IMPACT: variants seen among roughly 807,000 people sequenced by gnomAD.
IMPACT encodes protein IMPACT.
Under a neutral mutation model 47.5 loss-of-function variants are expected in IMPACT, and 35 were observed. The ratio of observed to expected loss-of-function variants is 0.74; its 90% CI spans 0.56 to 0.98. The LOEUF (loss-of-function observed/expected upper bound fraction) is 0.98. IMPACT is among the 50% of genes least tolerant of loss of function. The probability of loss-of-function intolerance (pLI) is 0.00; values close to 1 mark genes in which losing one functional copy is unlikely to be tolerated. For synonymous variants in IMPACT, 118 were observed against 125.6 expected (o/e 0.94, Z 0.40); for missense variants, 373 against 394.8 (o/e 0.94, Z 0.47).
At chr18:24,446,479 A>G in intron 8 of IMPACT, among the ~76,000 whole-genome samples, 1 of 152,230 alleles carries the variant, frequency 6.6e-6, no homozygotes, top group East Asian at 1.9e-4. Context: ...GTAAGTGAAG[A>G]GATGAAGGGC....
intron 1 of IMPACT, 92 bp downstream of exon 1, chr18:24,426,884 G>A: frequency 1.1e-6 from 1 of 912,962 alleles, no homozygotes; most frequent in Non-Finnish European, 1.4e-6. Flanking sequence ...CTCCGCCTGG[G>A]GCCGCCCCGG....
intron 9 of IMPACT, among the ~76,000 whole-genome samples, chr18:24,449,196 A>T (rs1909317266): frequency 6.6e-6 from 1 of 152,142 alleles, no homozygotes; most frequent in African/African-American, 2.4e-5. Flanking sequence ...CCCTGTCTCT[A>T]CTAAAAAAAC....
At chr18:24,441,974 A>G (rs1038763499) in intron 6 of IMPACT, among the ~76,000 whole-genome samples, 2 of 152,176 alleles carry the variant, frequency 1.3e-5, no homozygotes, top group Non-Finnish European at 2.9e-5. Context: ...ACTTATTACT[A>G]TGTTAGTACA....
chr18:24,426,888 G>A, intron 1 of IMPACT, 96 bp downstream of exon 1: 3 of 894,724 alleles, frequency 3.4e-6, no homozygotes, highest in Non-Finnish European at 4.4e-6. Flanking sequence ...GCCTGGGGCC[G>A]CCCCGGGTTC....
At chr18:24,436,938 G>A (rs1908962708) in intron 4 of IMPACT, among the ~76,000 whole-genome samples, 1 of 152,188 alleles carries the variant, frequency 6.6e-6, no homozygotes, top group Non-Finnish European at 1.5e-5. Context: ...ACTTCACACA[G>A]CTTAGTGCAT....
At chr18:24,427,799 C>T in intron 1 of IMPACT, 120 bp from the exon 2 acceptor site, 1 of 920,806 alleles carries the variant, frequency 1.1e-6, no homozygotes, top group Non-Finnish European at 1.6e-6. Flanking sequence ...CCTGGTGAGG[C>T]TCATCTAGGA....
At chr18:24,448,216 G>A (rs756333563) in intron 9 of IMPACT, 33 bp downstream of exon 9, 3 of 1,400,668 alleles carry the variant, frequency 2.1e-6, no homozygotes, top group African/African-American at 1.4e-5. Context: ...ATCCTGTTCT[G>A]TACAAGCCAT....
At chr18:24,442,274 C>T (rs570463625) in intron 6 of IMPACT, among the ~76,000 whole-genome samples, 22 of 151,924 alleles carry the variant, frequency 1.4e-4, no homozygotes, top group African/African-American at 4.6e-4. Flanking sequence ...CTGCCTCAGC[C>T]TCCCGAGTAG....
intron 4 of IMPACT, 29 bp from the exon 5 acceptor site, chr18:24,437,926 A>AT (rs200319123): frequency 3.7e-3 from 3,870 of 1,038,226 alleles, no homozygotes; most frequent in Non-Finnish European, 4.5e-3. Flanking sequence ...TGAAATAACA[A>AT]TTTTTTTTTT....
In IMPACT at chr18:24,440,568, C is replaced by A. The variant is rs756517356; in HGVS notation, c.440C>A (p.Pro147Gln). ...GATGATCTCATTTTAGCATGTCAGC[C>A]GGAAAGTTCGCTTAAAGCATTGGAT... ...CEDDLILACQPESSLKALDFD... is the reference protein window; with the variant it reads ...CEDDLILACQQESSLKALDFD... Residue 147 changes from proline (P) to glutamine (Q), a missense_variant, in exon 6 of 11, where the codon CCG becomes CAG. Coordinates refer to ENST00000284202, the MANE Select transcript of IMPACT (RefSeq NM_018439.4). The A allele has an allele frequency of 1.2e-6, 2 of 1,612,814 alleles. No individual in the cohort carries two copies. Among genetic ancestry groups the A allele is most frequent in the Non-Finnish European group, 1.7e-6 (2 of 1,179,256 alleles).
chr18:24,436,711 G>A (rs555301528), intron 4 of IMPACT, among the ~76,000 whole-genome samples: 1 of 152,032 alleles, frequency 6.6e-6, no homozygotes, highest in African/African-American at 2.4e-5. Flanking sequence ...ACCACATCTG[G>A]CTAATTTTTG....
At chr18:24,432,452 T>C (rs1456158776) in intron 4 of IMPACT, among the ~76,000 whole-genome samples, 1 of 152,140 alleles carries the variant, frequency 6.6e-6, no homozygotes, top group Non-Finnish European at 1.5e-5. Context: ...AGGTTTCTTT[T>C]CCTCCCAAAA....
At chr18:24,436,298 G>A (rs1164623050) in intron 4 of IMPACT, among the ~76,000 whole-genome samples, 1 of 151,984 alleles carries the variant, frequency 6.6e-6, no homozygotes, top group Non-Finnish European at 1.5e-5. Context: ...AGGCTGGAGT[G>A]CAGTGGTGCA....
At chr18:24,429,480 C>T (rs1429082811) in intron 3 of IMPACT, 1 of 152,162 alleles carries the variant, frequency 6.6e-6, no homozygotes, top group Non-Finnish European at 1.5e-5. Flanking sequence ...AACAGAATTG[C>T]ATAAAAATCT....
At chr18:24,431,465 AG>A (rs1398983226) in intron 4 of IMPACT, among the ~76,000 whole-genome samples, 1 of 152,122 alleles carries the variant, frequency 6.6e-6, no homozygotes, top group African/African-American at 2.4e-5. Context: ...CTTTATACTA[AG>A]AATAGCTGGA....
At chr18:24,447,062 A>G (rs1437373113) in intron 8 of IMPACT, among the ~76,000 whole-genome samples, 1 of 152,212 alleles carries the variant, frequency 6.6e-6, no homozygotes, top group Non-Finnish European at 1.5e-5. Context: ...ACAATCTTGT[A>G]TCTAAGCTAT....
chr18:24,444,496 C>G (rs1435980353), intron 7 of IMPACT, among the ~76,000 whole-genome samples: 4 of 152,184 alleles, frequency 2.6e-5, no homozygotes, highest in African/African-American at 4.8e-5. Flanking sequence ...ATTCTGTTCT[C>G]TCTCTTATCC....
chr18:24,448,488 T>C (rs940502295), intron 9 of IMPACT, among the ~76,000 whole-genome samples: 1 of 152,136 alleles, frequency 6.6e-6, no homozygotes, highest in African/African-American at 2.4e-5. Flanking sequence ...TTTTCTATTC[T>C]TTCTTTATGG....
In IMPACT at chr18:24,448,080, C is replaced by A. The variant is rs779607524; in HGVS notation, c.669-13C>A. On this transcript the variant is annotated splice_polypyrimidine_tract_variant and intron_variant, in intron 8 of 10. Coordinates refer to ENST00000284202, the MANE Select transcript of IMPACT (RefSeq NM_018439.4). ...TTAGTTTCAAAGTGTAATACTCTTA[C>A]ATGTATTTGCAGAATATATTGTGAG... The A allele has an allele frequency of 2.0e-6, 3 of 1,510,166 alleles. No individual in the cohort carries two copies. The highest frequency in any genetic ancestry group is 2.8e-6 in the Non-Finnish European group (3 of 1,086,328). 93.5% of individuals were successfully genotyped at this position (1,510,166 alleles called of 1,614,324 possible). A position where few individuals can be genotyped will look rare whatever the true frequency, so the allele number is the denominator to read the frequency against.
Sources: gnomAD v4.1 joint callset for allele counts (sites outside exome capture counted in the v4.1 genomes callset) on GRCh38, gnomAD v4.1.1 for gene constraint, MANE v1.5 for transcripts, NCBI Gene and HGNC (gene_info 2026-07-23, HGNC 2026-07-21) for gene names.